The following CDYL2 variants were observed in gnomAD, a reference collection of about 807,000 sequenced individuals.
CDYL2 encodes the protein chromodomain Y like 2.
Under a neutral mutation model 49.4 loss-of-function variants are expected in CDYL2, and 23 were observed. The ratio of observed to expected loss-of-function variants is 0.47; its 90% CI spans 0.34 to 0.66. The LOEUF (loss-of-function observed/expected upper bound fraction) is 0.66. CDYL2 is among the 30% of genes least tolerant of loss of function. The probability of loss-of-function intolerance (pLI) is 0.01; values close to 1 mark genes in which losing one functional copy is unlikely to be tolerated. For missense variants in CDYL2, 678 were observed against 656.4 expected (o/e 1.03, Z -0.36); for synonymous variants, 360 against 268.8 (o/e 1.34, Z -3.32).
intron 2 of CDYL2, among the ~76,000 whole-genome samples, chr16:80,642,579 AGACATC>A (rs1259253556): frequency 1.3e-5 from 2 of 152,198 alleles, no homozygotes; most frequent in African/African-American, 2.4e-5. Flanking sequence ...CTGCTGACAA[AGACATC>A]GGGTAGACTG....
At chr16:80,659,585 A>C (rs1287466195) in intron 2 of CDYL2, among the ~76,000 whole-genome samples, 4 of 152,072 alleles carry the variant, frequency 2.6e-5, no homozygotes, top group East Asian at 3.8e-4. Flanking sequence ...ATTTGTATAT[A>C]GTTTATATAA....
At chr16:80,717,212 G>C (rs1437278598) in intron 1 of CDYL2, among the ~76,000 whole-genome samples, 1 of 152,158 alleles carries the variant, frequency 6.6e-6, no homozygotes, top group Non-Finnish European at 1.5e-5. Flanking sequence ...CTGACACACA[G>C]TGTGGTGACT....
chr16:80,690,251 C>T (rs182205231), intron 1 of CDYL2, among the ~76,000 whole-genome samples: 175 of 152,268 alleles, frequency 1.1e-3, no homozygotes, highest in African/African-American at 3.8e-3. Context: ...GTCACAAAGG[C>T]TCCTCCAAGA....
chr16:80,617,671 G>C (rs1394717841), intron 4 of CDYL2, among the ~76,000 whole-genome samples: 3 of 151,958 alleles, frequency 2.0e-5, no homozygotes, highest in Non-Finnish European at 4.4e-5. Context: ...AACCCCGGGA[G>C]CATCTGTCTC....
In CDYL2 at chr16:80,670,889, G is replaced by A; in HGVS notation, c.616+13649C>T. The A allele has an allele frequency of 6.6e-6, 3 of 455,940 alleles. No homozygotes were observed. The Admixed American group carries it at 7.0e-5, about 11-fold the overall frequency. The allele number at this position is 455,940 out of a possible 1,614,324, so 28.2% of individuals were successfully genotyped here. A position where few individuals can be genotyped will look rare whatever the true frequency, so the allele number is the denominator to read the frequency against. On this transcript the variant is annotated intron_variant, in intron 2 of 6. Coordinates refer to ENST00000570137, the MANE Select transcript of CDYL2 (RefSeq NM_152342.4). ...CACAGCATAGTCAGGTTGCGCACGA[G>A]GAAGATAAAAGGGGCTCTATACACA...
chr16:80,635,132 T>A (rs1002311641), intron 2 of CDYL2, among the ~76,000 whole-genome samples: 2 of 152,200 alleles, frequency 1.3e-5, no homozygotes, highest in Non-Finnish European at 2.9e-5. Flanking sequence ...CAATCAGGTA[T>A]AAGAAGCTGG....
intron 2 of CDYL2, among the ~76,000 whole-genome samples, chr16:80,645,339 C>G (rs779904141): frequency 2.0e-5 from 3 of 151,892 alleles, no homozygotes; most frequent in Non-Finnish European, 2.9e-5. Flanking sequence ...TGAACACACA[C>G]TTCTCAAAAG....
At chr16:80,710,439 A>G (rs139933515) in intron 1 of CDYL2, among the ~76,000 whole-genome samples, 1 of 152,326 alleles carries the variant, frequency 6.6e-6, no homozygotes, top group African/African-American at 2.4e-5. Flanking sequence ...ATAATTGAAT[A>G]AGAAAACAGA....
intron 1 of CDYL2, among the ~76,000 whole-genome samples, chr16:80,712,594 G>A (rs1904657299): frequency 6.6e-6 from 1 of 152,052 alleles, no homozygotes; most frequent in Non-Finnish European, 1.5e-5. Flanking sequence ...GTGGGTGGCT[G>A]GAGGCAGAAA....
intron 3 of CDYL2, among the ~76,000 whole-genome samples, chr16:80,623,008 G>C (rs922908691): frequency 6.6e-6 from 1 of 152,180 alleles, no homozygotes; most frequent in Non-Finnish European, 1.5e-5. Flanking sequence ...CTTTCTCAAA[G>C]CAACATGTCA....
At chr16:80,688,964 C>G (rs1237209009) in intron 1 of CDYL2, among the ~76,000 whole-genome samples, 1 of 152,180 alleles carries the variant, frequency 6.6e-6, no homozygotes, top group Non-Finnish European at 1.5e-5. Context: ...AGCTCTGTCT[C>G]TTGATGCTCT....
At chr16:80,624,964 T>G (rs913382154) in intron 3 of CDYL2, among the ~76,000 whole-genome samples, 1 of 152,112 alleles carries the variant, frequency 6.6e-6, no homozygotes, top group Non-Finnish European at 1.5e-5. Flanking sequence ...GATTTAAAAT[T>G]GGTGCTGTAG....
chr16:80,742,943 T>C (rs1305170905), intron 1 of CDYL2, among the ~76,000 whole-genome samples: 2 of 143,978 alleles, frequency 1.4e-5, no homozygotes, highest in Admixed American at 1.5e-4. Flanking sequence ...GAAGGACAGA[T>C]AGGTGGATGG....
intron 1 of CDYL2, among the ~76,000 whole-genome samples, chr16:80,771,514 G>C (rs1423979510): frequency 6.6e-6 from 1 of 152,206 alleles, no homozygotes; most frequent in African/African-American, 2.4e-5. Flanking sequence ...GACCAGCCTG[G>C]CCAACATGGT....
chr16:80,740,924 A>AT, intron 1 of CDYL2, among the ~76,000 whole-genome samples: 1 of 151,896 alleles, frequency 6.6e-6, no homozygotes, highest in East Asian at 1.9e-4. Flanking sequence ...AAACATGTTA[A>AT]TTTTTTCAAC....
chr16:80,736,626 T>C (rs1198205644), intron 1 of CDYL2: 1 of 152,126 alleles, frequency 6.6e-6, no homozygotes, highest in Non-Finnish European at 1.5e-5. Context: ...TCTCAGAAAA[T>C]AAGGCTGGGT....
Position 80,798,231 on chromosome 16 carries a change from T to C in CDYL2, c.24+5919A>G, listed in dbSNP as rs567977262. On this transcript the variant is annotated intron_variant, in intron 1 of 6. Transcript: ENST00000570137. ...ATTTTCTGTATTCTTTTAGTAGAGATGGGGTTTCTCCATGTCACCCAGGCT... is the reference window on the plus strand; with the variant it reads ...ATTTTCTGTATTCTTTTAGTAGAGACGGGGTTTCTCCATGTCACCCAGGCT... Among the ~76,000 whole-genome samples, 52 of 152,248 alleles carry C rather than the reference T, an allele frequency of 3.4e-4. 1 individual carries two copies. In the South Asian group the frequency reaches 0.01, roughly 30 times the overall value.
intron 1 of CDYL2, among the ~76,000 whole-genome samples, chr16:80,757,021 A>C (rs1906335068): frequency 6.6e-6 from 1 of 152,204 alleles, no homozygotes; most frequent in Admixed American, 6.5e-5. Flanking sequence ...ATTCCCATTA[A>C]AACCATGGGT....
chr16:80,754,683 CAT>C (rs1349257384), intron 1 of CDYL2, among the ~76,000 whole-genome samples: 1 of 152,208 alleles, frequency 6.6e-6, no homozygotes, highest in East Asian at 1.9e-4. Context: ...ACTAACTCCA[CAT>C]CAGGGAGGAT....
Sources: gnomAD v4.1 joint callset for allele counts (sites outside exome capture counted in the v4.1 genomes callset) on GRCh38, gnomAD v4.1.1 for gene constraint, MANE v1.5 for transcripts, NCBI Gene and HGNC (gene_info 2026-07-23, HGNC 2026-07-21) for gene names.